IL23R: variants seen among roughly 807,000 people sequenced by gnomAD.
IL23R encodes interleukin 23 receptor, also known as interleukin-23 receptor.
IL23R carries 34 observed loss-of-function variants against 56.9 expected under a neutral mutation model. The observed-to-expected ratio is 0.60, with a 90% CI of 0.45 to 0.80. The LOEUF is 0.80. Among genes scored for constraint, IL23R ranks in the 30% least tolerant of loss-of-function variants. IL23R has a pLI of 0.00. For synonymous variants in IL23R, 230 were observed against 249.2 expected (o/e 0.92, Z 0.73); for missense variants, 635 against 730.0 (o/e 0.87, Z 1.50).
intron 9 of IL23R, among the ~76,000 whole-genome samples, chr1:67,251,592 T>C (rs901250528): frequency 3.9e-5 from 6 of 152,152 alleles, no homozygotes; most frequent in African/African-American, 1.4e-4. Context: ...ACTTTAGCCA[T>C]GCCAAGTGGC....
intron 7 of IL23R, among the ~76,000 whole-genome samples, chr1:67,226,214 CA>C (rs1650608228): frequency 6.6e-6 from 1 of 152,340 alleles, no homozygotes; most frequent in Admixed American, 6.5e-5. Flanking sequence ...GAATGTGATA[CA>C]GTTCACTATT....
chr1:67,168,224 A>G (rs1316122048), intron 2 of IL23R, 34 bp downstream of exon 2: 15 of 1,372,570 alleles, frequency 1.1e-5, no homozygotes, highest in Non-Finnish European at 1.6e-5. Context: ...GCTATCTTTC[A>G]TTCAACAAAT....
At chr1:67,228,362 C>CTTTTTTTTTTTT (rs1558254618) in intron 7 of IL23R, among the ~76,000 whole-genome samples, 1 of 39,890 alleles carries the variant, frequency 2.5e-5, no homozygotes, top group African/African-American at 6.8e-5. Context: ...TTTTTTTCTT[C>CTTTTTTTTTTTT]CTTTTTTTTT....
chr1:67,209,140 C>T (rs1649277984), intron 6 of IL23R, among the ~76,000 whole-genome samples: 1 of 152,078 alleles, frequency 6.6e-6, no homozygotes, highest in South Asian at 2.1e-4. Flanking sequence ...ATACCTGTAC[C>T]CTCATTGTAT....
At chr1:67,231,214 C>A (rs1256171733) in intron 7 of IL23R, among the ~76,000 whole-genome samples, 2 of 152,134 alleles carry the variant, frequency 1.3e-5, no homozygotes, top group Non-Finnish European at 2.9e-5. Context: ...AATAAAGAAA[C>A]CTTAGAGATG....
At chr1:67,143,039 TAGTG>T (rs910565350) in intron 1 of IL23R, among the ~76,000 whole-genome samples, 32 of 152,278 alleles carry the variant, frequency 2.1e-4, no homozygotes, top group Admixed American at 2.0e-3. Flanking sequence ...CTTTCTTAGA[TAGTG>T]AGAGATTAAT....
intron 1 of IL23R, among the ~76,000 whole-genome samples, chr1:67,158,330 A>AG (rs1403707414): frequency 2.0e-5 from 3 of 152,372 alleles, no homozygotes; most frequent in Admixed American, 2.0e-4. Context: ...CACCCAGGAA[A>AG]GAATTCAAGG....
chr1:67,147,193 G>A (rs1374298003), intron 1 of IL23R, among the ~76,000 whole-genome samples: 3 of 152,144 alleles, frequency 2.0e-5, no homozygotes, highest in African/African-American at 4.8e-5. Flanking sequence ...GCAAGCAAGA[G>A]TGAGTGCTGG....
Position 67,169,481 on chromosome 1 carries a change from C to T in IL23R, c.210C>T (p.Gly70=), listed in dbSNP as rs1425917268. 3.1e-6 allele frequency: 5 copies of T among 1,613,768 alleles called. No homozygotes were observed. The highest frequency in any genetic ancestry group is 1.3e-5 in the African/African-American group (1 of 74,878). ...QPRKLHFYKN[G]IKERFQITRI... Reference sequence around the variant, plus strand: ...GGAAACTTCATTTTTATAAAAATGGCATCAAAGAAAGATTTCAAATCACAA... The same window carrying T: ...GGAAACTTCATTTTTATAAAAATGGTATCAAAGAAAGATTTCAAATCACAA... Residue 70 remains glycine, a synonymous_variant, in exon 3 of 11, where the codon GGC becomes GGT. Transcript: ENST00000347310.
intron 1 of IL23R, among the ~76,000 whole-genome samples, chr1:67,153,054 T>C (rs1646742269): frequency 6.6e-6 from 1 of 152,224 alleles, no homozygotes; most frequent in Admixed American, 6.5e-5. Context: ...GCTGATAGAA[T>C]TTGGCTGTGA....
chr1:67,254,821 A>T lies in IL23R; in HGVS notation c.1149-1016A>T, dbSNP rs185164289. Among the ~76,000 whole-genome samples the T allele has an allele frequency of 2.4e-4, 37 of 152,348 alleles. 1 individual carries two copies. The highest frequency in any genetic ancestry group is 7.5e-4 in the African/African-American group (31 of 41,588). On this transcript the variant is annotated intron_variant, in intron 9 of 10. Transcript: ENST00000347310. The stretch of plus-strand genomic sequence containing the variant: ...ACCAATTTGTACTGTCAATGCAGAG[A>T]GTGTTTTTAAACACAATGGCAGTGC...
chr1:67,182,025 C>G lies in IL23R; in HGVS notation c.368-811C>G, dbSNP rs112571342. Among the ~76,000 whole-genome samples, 41 of 152,234 alleles carry G rather than the reference C, an allele frequency of 2.7e-4. 1 individual carries two copies. The South Asian group carries it at 8.5e-3, about 32-fold the overall frequency. ...CTCAGAGGAGTACCTGGCCATGTGA[C>G]GTGTCAGTCTGCCCCTACTGGGGGG... On this transcript the variant is annotated intron_variant, in intron 3 of 10. Coordinates refer to ENST00000347310, the MANE Select transcript of IL23R (RefSeq NM_144701.3).
At chr1:67,161,674 C>A (rs980062955), upstream of IL23R, among the ~76,000 whole-genome samples, 6 of 151,882 alleles carry the variant, frequency 4.0e-5, no homozygotes, top group Non-Finnish European at 4.4e-5. Context: ...TGTCGCCAGG[C>A]TGGAGTGCTG....
intron 9 of IL23R, 50 bp downstream of exon 9, chr1:67,240,331 T>A: frequency 8.6e-7 from 1 of 1,157,158 alleles, no homozygotes; most frequent in Non-Finnish European, 1.3e-6. Context: ...CATGTATATG[T>A]ATCACCAAAA....
chr1:67,236,596 C>A (rs935277444), intron 7 of IL23R, 117 bp from the exon 8 acceptor site: 2 of 722,582 alleles, frequency 2.8e-6, no homozygotes, highest in Middle Eastern at 2.3e-4. Context: ...CCTTCAAGCC[C>A]ATTAAAGTTA....
At chr1:67,157,122 G>T (rs776147413) in intron 1 of IL23R, among the ~76,000 whole-genome samples, 1 of 152,048 alleles carries the variant, frequency 6.6e-6, no homozygotes, top group Non-Finnish European at 1.5e-5. Context: ...TCCATGGGTC[G>T]CACCCACTGC....
At chr1:67,256,266 A>G (rs1652942275) in intron 10 of IL23R, among the ~76,000 whole-genome samples, 1 of 152,206 alleles carries the variant, frequency 6.6e-6, no homozygotes, top group Non-Finnish European at 1.5e-5. Context: ...GAAAAGCTCA[A>G]TGAAATGAGC....
intron 1 of IL23R, among the ~76,000 whole-genome samples, chr1:67,159,723 T>C (rs1456167197): frequency 1.3e-5 from 2 of 152,252 alleles, no homozygotes; most frequent in Non-Finnish European, 2.9e-5. Context: ...GTGTCTGTGA[T>C]AGATGCTACA....
intron 1 of IL23R, among the ~76,000 whole-genome samples, chr1:67,157,671 C>T (rs1646780760): frequency 6.6e-6 from 1 of 152,214 alleles, no homozygotes; most frequent in Non-Finnish European, 1.5e-5. Flanking sequence ...GGCCTGCTTC[C>T]TCGCTTCTAT....
Sources: allele counts gnomAD v4.1 joint callset (sites outside exome capture counted in the v4.1 genomes callset), GRCh38; gene constraint gnomAD v4.1.1; transcripts MANE v1.5; gene names NCBI Gene and HGNC (gene_info 2026-07-23, HGNC 2026-07-21).